CDK12: variants seen among roughly 807,000 people sequenced by gnomAD.
CDK12 encodes the protein cyclin dependent kinase 12.
In CDK12, 17 loss-of-function variants were observed where a neutral mutation model predicts 133.8. That is an observed-to-expected ratio of 0.13 (90% CI 0.09 to 0.19). CDK12 has a LOEUF of 0.19. Ranked by LOEUF, CDK12 falls within the 10% of genes least tolerant of loss-of-function variation. CDK12 has a pLI of 1.00. For synonymous variants in CDK12, 694 were observed against 683.6 expected (o/e 1.02, Z -0.24); for missense variants, 1,508 against 1,818.7 (o/e 0.83, Z 3.11).
intron 4 of CDK12, among the ~76,000 whole-genome samples, chr17:39,493,548 A>G (rs1598037963): frequency 6.9e-6 from 1 of 145,322 alleles, no homozygotes; most frequent in Non-Finnish European, 1.5e-5. Flanking sequence ...CTGGTCTTGA[A>G]CTCCTAACCT....
chr17:39,468,199 A>G (rs1255359817), intron 1 of CDK12, among the ~76,000 whole-genome samples: 8 of 151,902 alleles, frequency 5.3e-5, no homozygotes, highest in Admixed American at 4.6e-4. Context: ...CCAGCTTCCA[A>G]TAATAATTTT....
chr17:39,555,766 G>A (rs748845407), intron 2 of CDK12, among the ~76,000 whole-genome samples: 2 of 151,090 alleles, frequency 1.3e-5, no homozygotes, highest in African/African-American at 4.9e-5. Context: ...GGCCGAGATG[G>A]GTGGATCGCT....
At chr17:39,564,505 A>G (rs2056504504) in intron 3 of CDK12, among the ~76,000 whole-genome samples, 1 of 152,152 alleles carries the variant, frequency 6.6e-6, no homozygotes, top group South Asian at 2.1e-4. Flanking sequence ...CAAACCAACC[A>G]TTCCCTATAG....
intron 1 of CDK12, among the ~76,000 whole-genome samples, chr17:39,542,324 G>A (rs2055465009): frequency 6.6e-6 from 1 of 150,982 alleles, no homozygotes; most frequent in Non-Finnish European, 1.5e-5. Flanking sequence ...GTAACTAATG[G>A]CTAATTTTTT....
chr17:39,472,991 G>A (rs1769079801), intron 2 of CDK12, among the ~76,000 whole-genome samples: 1 of 151,950 alleles, frequency 6.6e-6, no homozygotes, highest in African/African-American at 2.4e-5. Flanking sequence ...CAGGAGAATG[G>A]CGTGAACCTG....
At chr17:39,523,461 G>A (rs964014626) in intron 11 of CDK12, among the ~76,000 whole-genome samples, 2 of 152,014 alleles carry the variant, frequency 1.3e-5, no homozygotes, top group Non-Finnish European at 2.9e-5. Flanking sequence ...GGGCAACAGA[G>A]CAAGACTCTG....
intron 5 of CDK12, among the ~76,000 whole-genome samples, chr17:39,497,144 C>T (rs905354375): frequency 6.6e-6 from 1 of 152,082 alleles, no homozygotes; most frequent in East Asian, 1.9e-4. Context: ...TTTGGCCGGG[C>T]TGGTCTCAAA....
intron 2 of CDK12, among the ~76,000 whole-genome samples, chr17:39,474,842 A>AT (rs1008717280): frequency 1.3e-3 from 29 of 22,430 alleles, no homozygotes; most frequent in Non-Finnish European, 2.1e-3. Context: ...TTTTATTTTT[A>AT]TTTTTTTTTG....
At position 39,471,430 on chromosome 17, in the gene CDK12, C is replaced by T. The variant is rs889372341; in HGVS notation, c.1598C>T (p.Ala533Val). ...ACCCCTCCACCTCTTCCCACAATTGCTTCTCCCCCACCCCCTCTACCAACT... is the reference window on the plus strand; with the variant it reads ...ACCCCTCCACCTCTTCCCACAATTGTTTCTCCCCCACCCCCTCTACCAACT... ...KETPPPLPTI[A>V]SPPPPLPTTT... The change falls in exon 2 of 14, where the codon GCT becomes GTT. Residue 533 changes from alanine to valine, a missense_variant. Around this residue, in one of 9 missense-constraint regions of CDK12, gnomAD observed 347 missense variants for 330.8 expected, o/e 1.05. Transcript: ENST00000447079. 1.2e-5 allele frequency: 20 copies of T among 1,613,444 alleles called. No individual in the cohort carries two copies. Among genetic ancestry groups the T allele is most frequent in the Non-Finnish European group, 1.7e-5 (20 of 1,179,574 alleles).
chr17:39,463,108 C>G lies in CDK12; in HGVS notation c.1037C>G (p.Pro346Arg), dbSNP rs2049062854. The stretch of plus-strand genomic sequence containing the variant: ...AGCAAGCGGTCTCTGAGTCGGAGTC[C>G]ACTCCCCAGGTGAGCTATTTGTCTA... Reference protein sequence around the residue: ...FLSKRSLSRSPLPSRKSMKSR... With the variant: ...FLSKRSLSRSRLPSRKSMKSR... The change falls in exon 1 of 14, where the codon CCA becomes CGA. Residue 346 changes from proline (P) to arginine (R), a missense_variant. Pro to Arg is a moderately radical substitution (Grantham distance 103). This residue lies in a region of CDK12 where 460 missense variants were observed against 490.8 expected (regional missense o/e 0.94). Transcript: ENST00000447079. 1 of 1,613,814 alleles carries G rather than the reference C, an allele frequency of 6.2e-7. No individual in the cohort carries two copies. Among genetic ancestry groups the G allele is most frequent in the Non-Finnish European group, 8.5e-7 (1 of 1,179,802 alleles).
intron 2 of CDK12, among the ~76,000 whole-genome samples, chr17:39,487,824 A>G (rs1328609948): frequency 2.6e-5 from 4 of 151,942 alleles, no homozygotes; most frequent in African/African-American, 7.3e-5. Flanking sequence ...CATGTTGGCC[A>G]GGTTGGTCTT....
At position 39,524,774 on chromosome 17, in the gene CDK12, T is replaced by C. The variant is rs747832521; in HGVS notation, c.3196T>C (p.Ser1066Pro). The C allele has an allele frequency of 6.2e-7, 1 of 1,614,126 alleles. No individual in the cohort carries two copies. The highest frequency in any genetic ancestry group is 8.5e-7 in the Non-Finnish European group (1 of 1,180,042). Reference sequence around the variant, plus strand: ...CGAAGAGCCACCTCCATCCAAAACTTCTCGAAAAGAAACTACCTCAGGGAC... The same window carrying C: ...CGAAGAGCCACCTCCATCCAAAACTCCTCGAAAAGAAACTACCTCAGGGAC... ...VVEEPPPSKT[S>P]RKETTSGTST... The change falls in exon 12 of 14, where the codon TCT becomes CCT. Residue 1066 changes from serine (S) to proline (P), a missense_variant. Ser to Pro is a moderately conservative substitution (Grantham distance 74, BLOSUM62 -1). Around this residue, in one of 9 missense-constraint regions of CDK12, gnomAD observed 399 missense variants for 469.6 expected, o/e 0.85. Coordinates refer to ENST00000447079, the MANE Select transcript of CDK12 (RefSeq NM_016507.4).
rs534254408 is a variant in CDK12, at chr17:39,483,376, C to CGAA, written c.1932-7181_1932-7180insGAA. 7.9e-5 allele frequency among the ~76,000 whole-genome samples: 12 copies of CGAA among 151,914 alleles called. No individual in the cohort carries two copies. The South Asian group carries it at 2.5e-3, about 32-fold the overall frequency. ...ACCTGCTAGGCTGGAGCGATCTTTC[C>CGAA]ACCTCAGCCTCTCAAGTAGCTTGGA... On this transcript the variant is annotated intron_variant, in intron 2 of 13. Coordinates refer to ENST00000447079, the MANE Select transcript of CDK12 (RefSeq NM_016507.4).
intron 5 of CDK12, among the ~76,000 whole-genome samples, chr17:39,497,406 G>A (rs547263893): frequency 6.6e-6 from 1 of 152,114 alleles, no homozygotes; most frequent in African/African-American, 2.4e-5. Flanking sequence ...CGCTGGGCAT[G>A]GTGCTGGGCA....
At chr17:39,542,458 T>C (rs2055472197) in intron 1 of CDK12, among the ~76,000 whole-genome samples, 1 of 152,136 alleles carries the variant, frequency 6.6e-6, no homozygotes, top group Non-Finnish European at 1.5e-5. Context: ...CCCAAAGTGC[T>C]GGGATTACAG....
At chr17:39,519,923 G>A in intron 10 of CDK12, 33 bp from the exon 11 acceptor site, 1 of 1,612,674 alleles carries the variant, frequency 6.2e-7, no homozygotes. Flanking sequence ...TAGGGTCATT[G>A]TGAACTTGTC....
At chr17:39,491,854 C>T (rs1598029352) in intron 3 of CDK12, among the ~76,000 whole-genome samples, 1 of 150,316 alleles carries the variant, frequency 6.7e-6, no homozygotes, top group African/African-American at 2.4e-5. Context: ...AGTGGCTGGG[C>T]GCGGTGGCTC....
chr17:39,483,510 T>C (rs1400839769), intron 2 of CDK12, among the ~76,000 whole-genome samples: 1 of 151,842 alleles, frequency 6.6e-6, no homozygotes, highest in Non-Finnish European at 1.5e-5. Context: ...GGAATACACC[T>C]TCCTTGGCCT....
At chr17:39,545,123 A>G (rs2055621853), upstream of CDK12, among the ~76,000 whole-genome samples, 1 of 152,138 alleles carries the variant, frequency 6.6e-6, no homozygotes, top group Non-Finnish European at 1.5e-5. Context: ...ATGTTCCTCT[A>G]CAGTGGGTTG....
Sources: gnomAD v4.1 joint callset for allele counts (sites outside exome capture counted in the v4.1 genomes callset) on GRCh38, gnomAD v4.1.1 for gene constraint, gnomAD v4.1.1 regional missense constraint, MANE v1.5 for transcripts, NCBI Gene and HGNC (gene_info 2026-07-23, HGNC 2026-07-21) for gene names.